SLC25A16: variants seen among roughly 807,000 people sequenced by gnomAD.
SLC25A16 encodes solute carrier family 25 member 16, also known as mitochondrial coenzyme A transporter SLC25A16.
Under a neutral mutation model 41.5 loss-of-function variants are expected in SLC25A16, and 39 were observed. The ratio of observed to expected loss-of-function variants is 0.94; its 90% CI spans 0.73 to 1.23. The LOEUF is 1.23. Among genes scored for constraint, SLC25A16 ranks in the 50% most tolerant of loss-of-function variants. SLC25A16 has a pLI of 0.00. For synonymous variants in SLC25A16, 146 were observed against 147.8 expected (o/e 0.99, Z 0.09); for missense variants, 421 against 426.9 (o/e 0.99, Z 0.12).
intron 1 of SLC25A16, among the ~76,000 whole-genome samples, chr10:68,523,521 G>A (rs975124020): frequency 1.3e-5 from 2 of 152,020 alleles, no homozygotes; most frequent in Non-Finnish European, 2.9e-5. Context: ...TGCCCAGGCT[G>A]GAGTGCAGTG....
intron 4 of SLC25A16, among the ~76,000 whole-genome samples, chr10:68,494,213 C>G (rs891600274): frequency 6.6e-6 from 1 of 152,100 alleles, no homozygotes; most frequent in Non-Finnish European, 1.5e-5. Context: ...GCCTGTAATC[C>G]CAGCACTTTG....
chr10:68,522,814 CAAA>C (rs58143466), intron 1 of SLC25A16, among the ~76,000 whole-genome samples: 6 of 65,452 alleles, frequency 9.2e-5, no homozygotes, highest in African/African-American at 1.3e-4. Flanking sequence ...GATTCCTTCT[CAAA>C]AAAAAAAAAA....
At chr10:68,485,181 C>T (rs558862918) in intron 8 of SLC25A16, among the ~76,000 whole-genome samples, 1 of 152,154 alleles carries the variant, frequency 6.6e-6, no homozygotes, top group African/African-American at 2.4e-5. Context: ...CCTCCGTCTC[C>T]TGGGCTCAAG....
chr10:68,498,416 G>A (rs1000052110), intron 4 of SLC25A16, among the ~76,000 whole-genome samples: 3 of 151,512 alleles, frequency 2.0e-5, no homozygotes, highest in Non-Finnish European at 2.9e-5. Flanking sequence ...AAGGCCAGGC[G>A]CAGTGGCACG....
At chr10:68,517,259 T>C (rs2053175754) in intron 1 of SLC25A16, 1 of 987,426 alleles carries the variant, frequency 1.0e-6, no homozygotes, top group South Asian at 4.7e-5. Context: ...AGTAAACTCC[T>C]CTTCTTCTGG....
At chr10:68,491,164 C>T (rs556968190) in intron 6 of SLC25A16, among the ~76,000 whole-genome samples, 1 of 152,232 alleles carries the variant, frequency 6.6e-6, no homozygotes, top group South Asian at 2.1e-4. Flanking sequence ...TAGGTGTGAG[C>T]CACCATGCCT....
chr10:68,513,406 CA>C (rs1266974459), intron 2 of SLC25A16, among the ~76,000 whole-genome samples: 2,970 of 58,426 alleles, frequency 0.051, 78 homozygotes, highest in African/African-American at 0.16. Flanking sequence ...AAGACCATCT[CA>C]AAAAAAAAAA....
chr10:68,485,281 G>A (rs967502329), intron 8 of SLC25A16, among the ~76,000 whole-genome samples: 2 of 152,078 alleles, frequency 1.3e-5, no homozygotes, highest in Non-Finnish European at 2.9e-5. Flanking sequence ...TAGTAGAGAT[G>A]GGGTTTCACC....
At chr10:68,522,195 T>A in intron 1 of SLC25A16, among the ~76,000 whole-genome samples, 1 of 150,802 alleles carries the variant, frequency 6.6e-6, no homozygotes, top group African/African-American at 2.4e-5. Context: ...AAGAAGGAAA[T>A]ACATTACTTA....
At chr10:68,513,041 T>TAAACA (rs1447567066) in intron 2 of SLC25A16, among the ~76,000 whole-genome samples, 4 of 151,604 alleles carry the variant, frequency 2.6e-5, no homozygotes, top group African/African-American at 4.8e-5. Context: ...CTCCGTCTGA[T>TAAACA]AAACAAAACA....
Position 68,489,667 on chromosome 10 carries a change from C to T in SLC25A16, c.611-1038G>A, listed in dbSNP as rs926661850. Reference sequence around the variant, plus strand: ...CCTGTAATCCCAGCACTTTGGGAGGCTGAGGCAGGCAGATCACAAGGTCAG... The same window carrying T: ...CCTGTAATCCCAGCACTTTGGGAGGTTGAGGCAGGCAGATCACAAGGTCAG... On this transcript the variant is annotated intron_variant, in intron 6 of 8. Transcript: ENST00000609923. Among the ~76,000 whole-genome samples, 8 of 152,132 alleles carry T rather than the reference C, an allele frequency of 5.3e-5. No individual in the cohort carries two copies. The South Asian group carries it at 1.7e-3, about 31-fold the overall frequency.
intron 1 of SLC25A16, among the ~76,000 whole-genome samples, chr10:68,521,999 A>C (rs557179740): frequency 6.6e-6 from 1 of 152,020 alleles, no homozygotes; most frequent in African/African-American, 2.4e-5. Flanking sequence ...GTCTCTACTA[A>C]AAATACAAAA....
chr10:68,519,940 G>C (rs1336370624), intron 1 of SLC25A16, among the ~76,000 whole-genome samples: 2 of 149,938 alleles, frequency 1.3e-5, no homozygotes, highest in East Asian at 3.9e-4. Flanking sequence ...AAATTGTTTA[G>C]AATGTATTCA....
intron 8 of SLC25A16, 73 bp from the exon 9 acceptor site, chr10:68,483,661 A>G (rs1787866773): frequency 1.5e-6 from 2 of 1,377,108 alleles, no homozygotes; most frequent in East Asian, 2.5e-5. Flanking sequence ...CATAATATCA[A>G]TTTTGTTTTT....
intron 2 of SLC25A16, among the ~76,000 whole-genome samples, chr10:68,515,218 G>A (rs563326235): frequency 4.7e-4 from 71 of 150,658 alleles, no homozygotes; most frequent in African/African-American, 1.5e-3. Context: ...TTAGCCAGGC[G>A]TGGTGGTGCA....
intron 6 of SLC25A16, among the ~76,000 whole-genome samples, chr10:68,489,213 G>A (rs899048235): frequency 1.3e-5 from 2 of 152,176 alleles, no homozygotes; most frequent in African/African-American, 2.4e-5. Flanking sequence ...AGTTTGCGGT[G>A]AGCTGAGATC....
rs1017680539 is a variant in SLC25A16, at chr10:68,483,251, C to T, written c.*181G>A. 1 of 506,930 alleles carries T rather than the reference C, an allele frequency of 2.0e-6. No homozygotes were observed. Among genetic ancestry groups the T allele is most frequent in the Non-Finnish European group, 3.5e-6 (1 of 287,812 alleles). 31.4% of individuals were successfully genotyped at this position (506,930 alleles called of 1,614,324 possible). ...TGTTCTAAGGTATAATGTTTGGCAT[C>T]AAAAAGTATGGTAAGCAGTTCTGAT... On this transcript the variant is annotated 3_prime_UTR_variant, in exon 9 of 9. Transcript: ENST00000609923.
chr10:68,489,280 C>A (rs1008640477), intron 6 of SLC25A16, among the ~76,000 whole-genome samples: 1 of 151,766 alleles, frequency 6.6e-6, no homozygotes, highest in African/African-American at 2.4e-5. Context: ...AAACACAAAA[C>A]AAAACAAAAC....
intron 4 of SLC25A16, chr10:68,496,703 G>A: frequency 1.0e-6 from 1 of 953,412 alleles, no homozygotes. Flanking sequence ...CAGGAGTTAT[G>A]GGAAACCTGA....
Sources: allele counts gnomAD v4.1 joint callset (sites outside exome capture counted in the v4.1 genomes callset), GRCh38; gene constraint gnomAD v4.1.1; transcripts MANE v1.5; gene names NCBI Gene and HGNC (gene_info 2026-07-23, HGNC 2026-07-21).